The following HIVEP3 variants were observed in gnomAD, a reference collection of about 807,000 sequenced individuals.
The protein encoded by HIVEP3 is transcription factor HIVEP3.
Under a neutral mutation model 152.8 loss-of-function variants are expected in HIVEP3, and 49 were observed. The ratio of observed to expected loss-of-function variants is 0.32; its 90% CI spans 0.26 to 0.41. HIVEP3 has a LOEUF of 0.41. HIVEP3 is among the 10% of genes least tolerant of loss of function. The pLI is 1.00. For missense variants in HIVEP3, 2,790 were observed against 3,103.3 expected, an observed-to-expected ratio of 0.90 and a Z score of 2.40; for synonymous variants, 1,269 against 1,289.0, an observed-to-expected ratio of 0.98 and a Z score of 0.33.
intron 1 of HIVEP3, among the ~76,000 whole-genome samples, chr1:42,016,439 A>T (rs1645523544): frequency 6.6e-6 from 1 of 152,000 alleles, no homozygotes. Flanking sequence ...ATCAACATAC[A>T]CTCATTGTAG....
intron 2 of HIVEP3, among the ~76,000 whole-genome samples, chr1:41,692,449 TC>T (rs1358683356): frequency 6.6e-6 from 1 of 152,182 alleles, no homozygotes; most frequent in African/African-American, 2.4e-5. Context: ...GGCCCTGAGT[TC>T]AATATTAATG....
intron 2 of HIVEP3, among the ~76,000 whole-genome samples, chr1:41,689,043 G>A (rs1646155782): frequency 6.6e-6 from 1 of 152,164 alleles, no homozygotes; most frequent in South Asian, 2.1e-4. Flanking sequence ...ATCTTTTTGG[G>A]AGAATAAAGT....
chr1:41,543,990 T>TTATG (rs1164474043), intron 5 of HIVEP3: 1 of 152,160 alleles, frequency 6.6e-6, no homozygotes, highest in African/African-American at 2.4e-5. Context: ...CTCCTCCTGG[T>TTATG]GCTGCAAGCC....
At position 41,873,347 on chromosome 1, in the gene HIVEP3, C is replaced by T. The variant is rs918101912; in HGVS notation, c.-801+45066G>A. On this transcript the variant is annotated intron_variant, in intron 1 of 8. Transcript: ENST00000372583. The surrounding 1 kb of genome is among the most constrained non-coding windows in gnomAD (Gnocchi z 4.2). ...CCACTAGGCCCCGGGGACATGCACT[C>T]AGCTGGCCCAGGCACCGATAACCTA... Among the ~76,000 whole-genome samples, 14 of 152,236 alleles carry T rather than the reference C, an allele frequency of 9.2e-5. No individual in the cohort carries two copies. The highest frequency in any genetic ancestry group is 1.9e-4 in the Non-Finnish European group (13 of 68,044).
intron 1 of HIVEP3, among the ~76,000 whole-genome samples, chr1:42,015,783 G>C (rs2124532242): frequency 6.6e-6 from 1 of 152,362 alleles, no homozygotes; most frequent in South Asian, 2.1e-4. Context: ...CCTAGGCAGG[G>C]GATGTGCCAT....
intron 3 of HIVEP3, among the ~76,000 whole-genome samples, chr1:41,612,322 C>T (rs1644910612): frequency 6.6e-6 from 1 of 152,208 alleles, no homozygotes; most frequent in African/African-American, 2.4e-5. Flanking sequence ...ATAATCCCAA[C>T]AATGCCGCCT....
At chr1:42,031,408 A>G (rs1426167771) in intron 1 of HIVEP3, among the ~76,000 whole-genome samples, 2 of 151,634 alleles carry the variant, frequency 1.3e-5, no homozygotes, top group African/African-American at 4.9e-5. Flanking sequence ...TTTAAACTCA[A>G]TTTGCTCCTA....
At chr1:41,651,430 A>T (rs1427765475) in intron 2 of HIVEP3, among the ~76,000 whole-genome samples, 1 of 151,984 alleles carries the variant, frequency 6.6e-6, no homozygotes, top group African/African-American at 2.4e-5. Context: ...AAAAAAAAAA[A>T]AAATCCACAA....
intron 1 of HIVEP3, among the ~76,000 whole-genome samples, chr1:41,866,498 G>C (rs1251050644): frequency 6.6e-6 from 1 of 152,204 alleles, no homozygotes. Flanking sequence ...GCTTGCCAAG[G>C]ATTCACAGTG....
intron 1 of HIVEP3, among the ~76,000 whole-genome samples, chr1:41,769,284 C>CG (rs929718224): frequency 4.6e-5 from 7 of 152,188 alleles, no homozygotes; most frequent in Admixed American, 3.9e-4. Context: ...GCCAACCCTA[C>CG]GGGGGGTTAG....
intron 1 of HIVEP3, among the ~76,000 whole-genome samples, chr1:41,858,998 C>G (rs146679229): frequency 1.3e-5 from 2 of 152,282 alleles, no homozygotes; most frequent in Non-Finnish European, 2.9e-5. Context: ...GCTGGAGAGT[C>G]CTGACCCCAC....
chr1:41,940,452 C>T (rs1282260230), intron 1 of HIVEP3, among the ~76,000 whole-genome samples: 1 of 152,178 alleles, frequency 6.6e-6, no homozygotes, highest in Non-Finnish European at 1.5e-5. Context: ...TATGTATTTG[C>T]TTATTTATTT....
intron 5 of HIVEP3, among the ~76,000 whole-genome samples, chr1:41,531,382 C>T (rs1352547345): frequency 5.6e-5 from 3 of 53,156 alleles, no homozygotes; most frequent in African/African-American, 8.6e-5. Context: ...AAGACAGGGG[C>T]GATAGAGGAC....
chr1:41,827,227 C>G (rs1333378627), intron 1 of HIVEP3, among the ~76,000 whole-genome samples: 4 of 152,318 alleles, frequency 2.6e-5, no homozygotes, highest in South Asian at 2.1e-4. Context: ...CCACAAATCT[C>G]CATTAAAATC....
chr1:41,670,058 T>C (rs561458289), intron 2 of HIVEP3, among the ~76,000 whole-genome samples: 1 of 152,216 alleles, frequency 6.6e-6, no homozygotes, highest in African/African-American at 2.4e-5. Flanking sequence ...GAGGGCCTCT[T>C]TGCAGATGGG....
In HIVEP3 at chr1:41,618,768, A is replaced by G. The variant is rs1230280369; in HGVS notation, c.-522+9981T>C. ...GCCCATTTTCCAGATGAGGAAACTG[A>G]GGCTTGAAGAAGTTGACTAGTCTGA... On this transcript the variant is annotated intron_variant, in intron 3 of 8. Coordinates refer to ENST00000372583, the MANE Select transcript of HIVEP3 (RefSeq NM_024503.5). Among the ~76,000 whole-genome samples the G allele has an allele frequency of 8.5e-5, 13 of 152,346 alleles. No individual in the cohort carries two copies. The East Asian group carries it at 2.5e-3, about 29-fold the overall frequency.
chr1:41,874,152 T>C (rs942815), intron 1 of HIVEP3, among the ~76,000 whole-genome samples: 119,358 of 152,138 alleles, frequency 0.78, 47,190 homozygotes, highest in East Asian at 1. Context: ...TATAGTTAAC[T>C]GCCTTAAAGT....
At chr1:42,005,346 CATAT>C (rs776519799) in intron 1 of HIVEP3, among the ~76,000 whole-genome samples, 25 of 152,024 alleles carry the variant, frequency 1.6e-4, no homozygotes, top group Non-Finnish European at 2.2e-4. Context: ...CGCACACATA[CATAT>C]ATATGTATAC....
In HIVEP3 at chr1:41,718,275, G is replaced by A. The variant is rs549181611; in HGVS notation, c.-800-17280C>T. Among the ~76,000 whole-genome samples, 5 of 152,324 alleles carry A rather than the reference G, an allele frequency of 3.3e-5. No individual in the cohort carries two copies. In the South Asian group the frequency reaches 1.0e-3, roughly 32 times the overall value. Reference sequence around the variant, plus strand: ...GGGCAGTGAGGCGACTGTGGGCAATGGGGATGAATACAGGCTTAGGCCAGA... The same window carrying A: ...GGGCAGTGAGGCGACTGTGGGCAATAGGGATGAATACAGGCTTAGGCCAGA... On this transcript the variant is annotated intron_variant, in intron 1 of 8. Coordinates refer to ENST00000372583, the MANE Select transcript of HIVEP3 (RefSeq NM_024503.5).
Sources: gnomAD v4.1 joint callset for allele counts (sites outside exome capture counted in the v4.1 genomes callset) on GRCh38, gnomAD v4.1.1 for gene constraint, Gnocchi (gnomAD v3.1) non-coding constraint, MANE v1.5 for transcripts, NCBI Gene and HGNC (gene_info 2026-07-23, HGNC 2026-07-21) for gene names.